ABLIM1: variants seen among roughly 807,000 people sequenced by gnomAD.
ABLIM1 encodes the protein actin binding LIM protein 1.
In ABLIM1, 40 loss-of-function variants were observed where a neutral mutation model predicts 107.0. The ratio of observed to expected loss-of-function variants is 0.37; its 90% CI spans 0.29 to 0.49. The LOEUF is 0.49. ABLIM1 is among the 20% of genes least tolerant of loss of function. ABLIM1 has a pLI of 0.97. For synonymous variants in ABLIM1, 357 were observed against 357.3 expected (o/e 1.00, Z 0.01); for missense variants, 857 against 1,008.5 (o/e 0.85, Z 2.04).
intron 1 of ABLIM1, chr10:114,631,815 G>C: frequency 7.9e-7 from 1 of 1,263,488 alleles, no homozygotes; most frequent in Non-Finnish European, 1.0e-6. Context: ...CCCGGCTTTC[G>C]ATTGATCATT....
At chr10:114,593,726 G>T (rs544248317) in intron 2 of ABLIM1, among the ~76,000 whole-genome samples, 1 of 152,184 alleles carries the variant, frequency 6.6e-6, no homozygotes, top group Admixed American at 6.5e-5. Flanking sequence ...AAAACAAAAA[G>T]TTATCAGCAC....
intron 11 of ABLIM1, 68 bp downstream of exon 11, chr10:114,468,113 A>G (rs1346599021): frequency 2.2e-6 from 3 of 1,382,958 alleles, no homozygotes; most frequent in Non-Finnish European, 3.1e-6. Flanking sequence ...CAAAAATCCC[A>G]GTCTAGGGAA....
At chr10:114,662,178 G>C (rs969800764), upstream of ABLIM1, among the ~76,000 whole-genome samples, 1 of 152,166 alleles carries the variant, frequency 6.6e-6, no homozygotes, top group Admixed American at 6.6e-5. Flanking sequence ...GTTTGCTAAG[G>C]AAATGTTCTG....
At chr10:114,787,680 CCAGCCACCCCGTCCGGGAGGGAGGTG>C in the ABLIM1 span, among the ~76,000 whole-genome samples, 11 of 129,724 alleles carry the variant, frequency 8.5e-5, no homozygotes, top group South Asian at 5.4e-4. Context: ...CTCTGCCCGG[CCAGCCACCCCGTCCGGGAGGGAGGTG>C]GGGGGGTCAG....
intron 1 of ABLIM1, among the ~76,000 whole-genome samples, chr10:114,663,297 G>A (rs953641805): frequency 6.6e-6 from 1 of 152,102 alleles, no homozygotes; most frequent in Non-Finnish European, 1.5e-5. Context: ...CTCTCCCATG[G>A]TATTTGTAAT....
At chr10:114,652,001 G>A (rs922713169) in intron 1 of ABLIM1, among the ~76,000 whole-genome samples, 7 of 152,170 alleles carry the variant, frequency 4.6e-5, no homozygotes, top group Non-Finnish European at 7.3e-5. Context: ...TCAGGAGAGC[G>A]GGTCTGAGGG....
At chr10:114,487,156 T>C (rs2058312578) in intron 8 of ABLIM1, among the ~76,000 whole-genome samples, 1 of 152,164 alleles carries the variant, frequency 6.6e-6, no homozygotes. Context: ...CGAGAAGAGA[T>C]TACACTATGC....
intron 1 of ABLIM1, among the ~76,000 whole-genome samples, chr10:114,700,894 A>G (rs1566252922): frequency 6.6e-6 from 1 of 152,164 alleles, no homozygotes; most frequent in South Asian, 2.1e-4. Context: ...CTCCTTGGAT[A>G]GGATAATAAA....
At chr10:114,717,667 C>A (rs2081702636) in intron 1 of ABLIM1, among the ~76,000 whole-genome samples, 1 of 152,106 alleles carries the variant, frequency 6.6e-6, no homozygotes, top group South Asian at 2.1e-4. Context: ...GTAATCCCAG[C>A]ACTTTGGGAG....
At chr10:114,583,456 CACACACACACACATATATATATATATAT>C (rs1657623748) in intron 2 of ABLIM1, among the ~76,000 whole-genome samples, 12 of 13,544 alleles carry the variant, frequency 8.9e-4, no homozygotes, top group Admixed American at 2.5e-3. Context: ...CACACACACA[CACACACACACACATATATATATATATAT>C]ATATATATAT....
chr10:114,555,609 G>A (rs1157698231), intron 4 of ABLIM1, among the ~76,000 whole-genome samples: 1 of 152,146 alleles, frequency 6.6e-6, no homozygotes, highest in Non-Finnish European at 1.5e-5. Context: ...TGAACTGAAT[G>A]TAAATCATTA....
chr10:114,548,562 T>C (rs1406860455), intron 4 of ABLIM1, among the ~76,000 whole-genome samples: 2 of 152,244 alleles, frequency 1.3e-5, no homozygotes, highest in Admixed American at 1.3e-4. Context: ...GTGCATTTAA[T>C]AGATTTAGCA....
At chr10:114,608,197 C>A (rs149128030) in intron 1 of ABLIM1, among the ~76,000 whole-genome samples, 216 of 152,210 alleles carry the variant, frequency 1.4e-3, no homozygotes, top group African/African-American at 5.0e-3. Context: ...AGACCCACCT[C>A]TACTAAAAAT....
chr10:114,716,411 AC>A (rs111714895), intron 1 of ABLIM1, among the ~76,000 whole-genome samples: 1,183 of 26,370 alleles, frequency 0.045, 22 homozygotes, highest in African/African-American at 0.18. Flanking sequence ...GTAGAGAGAA[AC>A]ACACACACAC....
intron 1 of ABLIM1, among the ~76,000 whole-genome samples, chr10:114,756,788 CT>C (rs1261667090): frequency 6.6e-6 from 1 of 152,182 alleles, no homozygotes; most frequent in Non-Finnish European, 1.5e-5. Flanking sequence ...ATATCACTTG[CT>C]TTGTAAAGTC....
At chr10:114,686,141 G>T (rs2080929512), upstream of ABLIM1, among the ~76,000 whole-genome samples, 1 of 152,118 alleles carries the variant, frequency 6.6e-6, no homozygotes, top group Non-Finnish European at 1.5e-5. Context: ...GCAATAAAGT[G>T]ATTCTTTCCT....
At chr10:114,557,037 G>A (rs910661461) in intron 4 of ABLIM1, among the ~76,000 whole-genome samples, 2 of 152,220 alleles carry the variant, frequency 1.3e-5, no homozygotes, top group Admixed American at 1.3e-4. Context: ...AAGGTCAGAA[G>A]ACACATACTG....
intron 9 of ABLIM1, 96 bp downstream of exon 9, chr10:114,473,783 C>G: frequency 2.2e-6 from 2 of 922,688 alleles, no homozygotes; most frequent in Non-Finnish European, 3.4e-6. Context: ...ATAGAAATCA[C>G]TTTGAATCAG....
intron 2 of ABLIM1, among the ~76,000 whole-genome samples, chr10:114,584,273 C>T (rs1212383185): frequency 2.0e-5 from 3 of 152,138 alleles, no homozygotes; most frequent in Non-Finnish European, 4.4e-5. Context: ...TCACTTCACC[C>T]CAATTAGCAC....
Sources: allele counts gnomAD v4.1 joint callset (sites outside exome capture counted in the v4.1 genomes callset), GRCh38; gene constraint gnomAD v4.1.1; transcripts MANE v1.5; gene names NCBI Gene and HGNC (gene_info 2026-07-23, HGNC 2026-07-21).